REPS2: variants seen among roughly 807,000 people sequenced by gnomAD.
The protein encoded by REPS2 is ralBP1-associated Eps domain-containing protein 2.
Under a neutral mutation model 53.6 loss-of-function variants are expected in REPS2, and 23 were observed. That is an observed-to-expected ratio of 0.43 (90% CI 0.31 to 0.61). The LOEUF is 0.61. Ranked by LOEUF, REPS2 falls within the 20% of genes least tolerant of loss-of-function variation. REPS2 has a pLI of 0.11. For missense variants in REPS2, 446 were observed against 534.9 expected (o/e 0.83, Z 1.64); for synonymous variants, 238 against 218.6 (o/e 1.09, Z -0.78).
At chrX:17,116,020 G>A (rs1473968592) in intron 14 of REPS2, among the ~76,000 whole-genome samples, 4 of 111,045 alleles carry the variant, frequency 3.6e-5, no homozygotes, top group Non-Finnish European at 7.5e-5. Context: ...GGGTTTAAGC[G>A]TAGATTTAAA....
At chrX:17,000,049 A>AG (rs1195086433) in intron 1 of REPS2, among the ~76,000 whole-genome samples, 1 of 106,579 alleles carries the variant, frequency 9.4e-6, no homozygotes, top group African/African-American at 3.4e-5. Flanking sequence ...TCCGTCTCAA[A>AG]AAAAAAAAAA....
intron 14 of REPS2, among the ~76,000 whole-genome samples, chrX:17,124,148 C>T (rs1376742505): frequency 1.8e-5 from 2 of 112,252 alleles, no homozygotes; most frequent in Non-Finnish European, 3.8e-5. Context: ...GGGTTTGACT[C>T]CAGAGCCTAT....
chrX:17,035,850 G>A (rs1039970726), intron 5 of REPS2, among the ~76,000 whole-genome samples: 1 of 111,512 alleles, frequency 9.0e-6, no homozygotes, highest in Admixed American at 9.5e-5. Flanking sequence ...ATAATTACAT[G>A]TAATATATGC....
At chrX:16,998,225 G>A (rs2061256339) in intron 1 of REPS2, among the ~76,000 whole-genome samples, 1 of 111,455 alleles carries the variant, frequency 9.0e-6, no homozygotes, top group Non-Finnish European at 1.9e-5. Flanking sequence ...CTGTAGCCTC[G>A]AGGACAGCGT....
At position 16,993,669 on chromosome X, in the gene REPS2, C is replaced by T. The variant is rs182106571; in HGVS notation, c.274-12552C>T. On this transcript the variant is annotated intron_variant, in intron 1 of 17. Coordinates refer to ENST00000357277, the MANE Select transcript of REPS2 (RefSeq NM_004726.3). ...GTATAATTGTCCAGCTGAACTCAGCCCAAATTACTGACCCCCAGAGTTATG... is the reference window on the plus strand; with the variant it reads ...GTATAATTGTCCAGCTGAACTCAGCTCAAATTACTGACCCCCAGAGTTATG... Among the ~76,000 whole-genome samples, 8 of 112,140 alleles carry T rather than the reference C, an allele frequency of 7.1e-5. No homozygotes were observed. In the East Asian group the frequency reaches 1.4e-3, roughly 20 times the overall value.
At chrX:16,965,396 G>A (rs1602527397) in intron 1 of REPS2, among the ~76,000 whole-genome samples, 1 of 113,610 alleles carries the variant, frequency 8.8e-6, no homozygotes, top group African/African-American at 3.2e-5. Context: ...GGACGAGGTG[G>A]CTGCCGGGCG....
intron 1 of REPS2, among the ~76,000 whole-genome samples, chrX:16,997,970 TGTG>T (rs752116676): frequency 3.6e-5 from 4 of 111,561 alleles, no homozygotes; most frequent in African/African-American, 1.3e-4. Context: ...AATGGCCTGG[TGTG>T]GTGGCTCATT....
chrX:17,057,314 C>G (rs1278303472), intron 8 of REPS2, among the ~76,000 whole-genome samples: 2 of 112,165 alleles, frequency 1.8e-5, no homozygotes, highest in Non-Finnish European at 3.8e-5. Flanking sequence ...GGGCCTCTGA[C>G]TCTCTTAAAT....
chrX:17,182,171 T>TATCTATCTATCTATC, the REPS2 span, among the ~76,000 whole-genome samples: 1 of 110,452 alleles, frequency 9.1e-6, no homozygotes, highest in Non-Finnish European at 1.9e-5. Flanking sequence ...TCTATCTATC[T>TATCTATCTATCTATC]ATCTATCTAT....
chrX:17,194,273 A>G, the REPS2 span, among the ~76,000 whole-genome samples: 1 of 111,777 alleles, frequency 8.9e-6, no homozygotes, highest in Non-Finnish European at 1.9e-5. Flanking sequence ...AGTAGGTAAC[A>G]TATCTAATAG....
intron 9 of REPS2, among the ~76,000 whole-genome samples, chrX:17,063,196 A>G (rs181202894): frequency 8.9e-6 from 1 of 111,848 alleles, no homozygotes; most frequent in Admixed American, 9.5e-5. Flanking sequence ...CATCACCATT[A>G]TGATTACTGT....
chrX:17,112,663 G>A (rs1458896676), intron 14 of REPS2, among the ~76,000 whole-genome samples: 1 of 111,796 alleles, frequency 8.9e-6, no homozygotes, highest in African/African-American at 3.3e-5. Context: ...ACCTTGAGAT[G>A]AGCGAAAACA....
intron 1 of REPS2, among the ~76,000 whole-genome samples, chrX:16,977,095 A>G (rs766144991): frequency 2.7e-5 from 3 of 111,771 alleles, no homozygotes; most frequent in South Asian, 3.8e-4. Flanking sequence ...AGTTGGGAAG[A>G]CTTCCTAGAG....
intron 14 of REPS2, among the ~76,000 whole-genome samples, chrX:17,106,983 C>T (rs1041815340): frequency 9.0e-6 from 1 of 111,493 alleles, no homozygotes; most frequent in African/African-American, 3.3e-5. Context: ...TCAGAAATAA[C>T]ACCACACATC....
At chrX:17,041,044 C>T (rs1021451461) in intron 5 of REPS2, among the ~76,000 whole-genome samples, 1 of 111,707 alleles carries the variant, frequency 9.0e-6, no homozygotes, top group Non-Finnish European at 1.9e-5. Flanking sequence ...GTATATTTCT[C>T]ACTAATATAA....
chrX:17,135,241 A>G lies in REPS2; in HGVS notation c.1663-20A>G, dbSNP rs928266487. The stretch of plus-strand genomic sequence containing the variant: ...TGAAATGTTTAACTTTTTAATTTTT[A>G]TTTTGTTTTAAATCCACAGGATGTA... On this transcript the variant is annotated intron_variant, in intron 15 of 17. Coordinates refer to ENST00000357277, the MANE Select transcript of REPS2 (RefSeq NM_004726.3). 3 of 1,192,620 alleles carry G rather than the reference A, an allele frequency of 2.5e-6. No homozygotes were observed. The highest frequency in any genetic ancestry group is 2.3e-6 in the Non-Finnish European group (2 of 887,176).
intron 1 of REPS2, among the ~76,000 whole-genome samples, chrX:16,995,761 G>T (rs985888616): frequency 8.1e-5 from 9 of 111,632 alleles, no homozygotes; most frequent in Non-Finnish European, 1.7e-4. Flanking sequence ...GAGGAGGCTG[G>T]CCCGGTTCGA....
intron 17 of REPS2, among the ~76,000 whole-genome samples, chrX:17,140,031 T>C (rs1469059176): frequency 8.9e-6 from 1 of 112,009 alleles, no homozygotes; most frequent in African/African-American, 3.2e-5. Flanking sequence ...TCATTCGCCA[T>C]CCACATGTAA....
At chrX:17,047,941 A>C (rs1051596687) in intron 6 of REPS2, among the ~76,000 whole-genome samples, 2 of 112,770 alleles carry the variant, frequency 1.8e-5, no homozygotes, top group Non-Finnish European at 1.9e-5. Context: ...TTCTGAGAGA[A>C]ATTAAAATGG....
Sources: gnomAD v4.1 joint callset for allele counts (sites outside exome capture counted in the v4.1 genomes callset) on GRCh38, gnomAD v4.1.1 for gene constraint, MANE v1.5 for transcripts, NCBI Gene and HGNC (gene_info 2026-07-23, HGNC 2026-07-21) for gene names.